Variants in MMP26 observed in about 807,000 individuals in gnomAD.
MMP26 encodes matrix metalloproteinase-26.
In MMP26, 33 loss-of-function variants were observed where a neutral mutation model predicts 31.0. The ratio of observed to expected loss-of-function variants is 1.06; its 90% confidence interval spans 0.81 to 1.42. The LOEUF is 1.42. MMP26 is among the 40% of genes most tolerant of loss of function. MMP26 has a pLI of 0.00. For synonymous variants in MMP26, 122 were observed against 114.9 expected, an observed-to-expected ratio of 1.06 and a Z score of -0.40; for missense variants, 347 against 316.1, an observed-to-expected ratio of 1.10 and a Z score of -0.74.
chr11:4,763,300 T>A (rs1589893179), intron 1 of MMP26, among the ~76,000 whole-genome samples: 1 of 152,064 alleles, frequency 6.6e-6, no homozygotes, highest in Admixed American at 6.5e-5. Flanking sequence ...GAACAAAGGG[T>A]GGCATCATAA....
At chr11:4,938,776 A>G (rs1210275322) in intron 2 of MMP26, among the ~76,000 whole-genome samples, 1 of 152,166 alleles carries the variant, frequency 6.6e-6, no homozygotes, top group Non-Finnish European at 1.5e-5. Flanking sequence ...ACCAGCATAT[A>G]TGTATAGGAT....
chr11:4,914,214 TA>T (rs1200972897), intron 2 of MMP26: 1 of 155,732 alleles, frequency 6.4e-6, no homozygotes, highest in Non-Finnish European at 1.4e-5. Context: ...TGGCTGAGCC[TA>T]CTGGATGGAA....
At chr11:4,818,073 C>T (rs1461395798) in intron 2 of MMP26, among the ~76,000 whole-genome samples, 1 of 152,162 alleles carries the variant, frequency 6.6e-6, no homozygotes, top group Non-Finnish European at 1.5e-5. Context: ...GGTAGAAATA[C>T]TGGGAAGCAG....
intron 2 of MMP26, among the ~76,000 whole-genome samples, chr11:4,773,214 G>A (rs575338849): frequency 6.6e-6 from 1 of 152,246 alleles, no homozygotes; most frequent in East Asian, 1.9e-4. Flanking sequence ...TTGAGTGTGG[G>A]TAGGACCTCT....
intron 3 of MMP26, 41 bp downstream of exon 3, chr11:4,988,351 A>T: frequency 6.7e-7 from 1 of 1,492,140 alleles, no homozygotes; most frequent in Non-Finnish European, 9.4e-7. Context: ...CATGGTGACC[A>T]TTGTGGGCTC....
intron 2 of MMP26, among the ~76,000 whole-genome samples, chr11:4,770,699 T>C (rs1386938189): frequency 6.6e-6 from 1 of 151,922 alleles, no homozygotes. Context: ...AAAAATTAGC[T>C]GGGCATGGTG....
chr11:4,902,040 A>G (rs549146230), intron 2 of MMP26, among the ~76,000 whole-genome samples: 166 of 152,318 alleles, frequency 1.1e-3, no homozygotes, highest in African/African-American at 3.6e-3. Context: ...TGATGTTTCT[A>G]CTTGGTTGAG....
intron 2 of MMP26, among the ~76,000 whole-genome samples, chr11:4,903,216 A>G (rs1850829184): frequency 6.6e-6 from 1 of 152,110 alleles, no homozygotes; most frequent in Admixed American, 6.5e-5. Flanking sequence ...AATGCAATAT[A>G]ATGTGGAAGG....
chr11:4,878,896 T>C lies in MMP26; in HGVS notation c.-144-109172T>C, dbSNP rs374669264. On this transcript the variant is annotated intron_variant, in intron 2 of 7. Coordinates refer to ENST00000380390, the MANE Select transcript of MMP26 (RefSeq NM_021801.5). ...CACTGGGATAAGCACCTTTGCTCAG[T>C]GTGACTCATACGTATATAGTGAGAA... is the stretch of plus-strand genomic sequence containing the variant. Among the ~76,000 whole-genome samples, 93 of 152,184 alleles carry C rather than the reference T, an allele frequency of 6.1e-4. 4 individuals carry two copies. The South Asian group carries it at 0.018, about 30-fold the overall frequency.
At chr11:4,744,928 T>C (rs1025589580) in intron 1 of MMP26, among the ~76,000 whole-genome samples, 3 of 152,156 alleles carry the variant, frequency 2.0e-5, no homozygotes, top group African/African-American at 7.2e-5. Flanking sequence ...GAAGATTTAA[T>C]ATGCAGTCTC....
intron 2 of MMP26, among the ~76,000 whole-genome samples, chr11:4,979,993 T>C (rs1764715740): frequency 1.3e-5 from 2 of 152,090 alleles, no homozygotes; most frequent in South Asian, 4.2e-4. Flanking sequence ...GAGTTCAATA[T>C]TTGTGAAAGG....
At chr11:4,870,958 T>C (rs960020648) in intron 2 of MMP26, among the ~76,000 whole-genome samples, 2 of 151,862 alleles carry the variant, frequency 1.3e-5, no homozygotes, top group Admixed American at 1.3e-4. Flanking sequence ...GGAAAAAAGA[T>C]CAAATAAAAG....
At chr11:4,992,154 G>T in intron 7 of MMP26, 29 bp downstream of exon 7, 1 of 1,610,150 alleles carries the variant, frequency 6.2e-7, no homozygotes, top group Non-Finnish European at 8.5e-7. Flanking sequence ...AGAGAAGGGA[G>T]ATCTGGGCAG....
chr11:4,729,882 T>C (rs1848150311), intron 1 of MMP26, among the ~76,000 whole-genome samples: 1 of 152,078 alleles, frequency 6.6e-6, no homozygotes, highest in South Asian at 2.1e-4. Flanking sequence ...ATGACCTACG[T>C]GATGCATCGT....
chr11:4,989,865 A>G lies in MMP26; in HGVS notation c.317A>G (p.Tyr106Cys). ...AAGTGGAATAAGCACACTCTAACTT[A>G]CAGGTGCTTGTTACTAAGGCCTAGA... ...RCKWNKHTLTYRIINYPHDMK... is the reference protein window; with the variant it reads ...RCKWNKHTLTCRIINYPHDMK... Residue 106 changes from tyrosine to cysteine, a missense_variant, in exon 4 of 8, where the codon TAC becomes TGC. Physicochemically the swap from Tyr to Cys is radical, Grantham distance 194. Transcript: ENST00000380390. The G allele has an allele frequency of 6.2e-7, 1 of 1,605,932 alleles. No individual in the cohort carries two copies.
chr11:4,886,361 CT>C (rs935956599), intron 2 of MMP26, among the ~76,000 whole-genome samples: 6 of 152,154 alleles, frequency 3.9e-5, no homozygotes, highest in African/African-American at 1.2e-4. Context: ...CTTCGTAAGT[CT>C]TTAACTTCCT....
At chr11:4,793,606 C>T (rs1441283797) in intron 2 of MMP26, among the ~76,000 whole-genome samples, 1 of 152,102 alleles carries the variant, frequency 6.6e-6, no homozygotes, top group Non-Finnish European at 1.5e-5. Context: ...TTTCCTGGAT[C>T]CTTGCTCTTC....
chr11:4,779,132 C>T (rs563809419), intron 2 of MMP26, among the ~76,000 whole-genome samples: 5 of 151,998 alleles, frequency 3.3e-5, no homozygotes, highest in South Asian at 2.1e-4. Flanking sequence ...CTTAAGGTCT[C>T]GGATACAAAG....
chr11:4,810,814 C>T (rs1251367891), intron 2 of MMP26, among the ~76,000 whole-genome samples: 1 of 152,106 alleles, frequency 6.6e-6, no homozygotes, highest in Non-Finnish European at 1.5e-5. Context: ...GTTTCAGTAC[C>T]GAATCCAGAT....
Sources: allele counts gnomAD v4.1 joint callset (sites outside exome capture counted in the v4.1 genomes callset), GRCh38; gene constraint gnomAD v4.1.1; transcripts MANE v1.5; gene names NCBI Gene and HGNC (gene_info 2026-07-23, HGNC 2026-07-21).